The following BCHE variants were observed in gnomAD, a reference collection of about 807,000 sequenced individuals.
BCHE encodes butyrylcholinesterase, also known as cholinesterase.
In BCHE, 48 loss-of-function variants were observed where a neutral mutation model predicts 51.3. That is an observed-to-expected ratio of 0.94 (90% CI 0.74 to 1.19). BCHE has a LOEUF of 1.19. Among genes scored for constraint, BCHE ranks in the 50% most tolerant of loss-of-function variants. The pLI is 0.00. For missense variants in BCHE, 847 were observed against 708.2 expected (o/e 1.20, Z -2.23); for synonymous variants, 251 against 238.0 (o/e 1.05, Z -0.50).
In BCHE at chr3:165,830,022, C is replaced by G. The variant is rs2108234909; in HGVS notation, c.1012G>C (p.Gly338Arg). 5.0e-6 allele frequency: 8 copies of G among 1,613,640 alleles called. No individual in the cohort carries two copies. The highest frequency in any genetic ancestry group is 6.8e-6 in the Non-Finnish European group (8 of 1,179,836). Residue 338 changes from glycine (G) to arginine (R), a missense_variant, in exon 2 of 4, where the codon GGA becomes CGA. By Grantham distance (125) the Gly-to-Arg change is moderately radical. Coordinates refer to ENST00000264381, the MANE Select transcript of BCHE (RefSeq NM_000055.4). ...TDMPDILLELGQFKKTQILVG... is the reference protein window; with the variant it reads ...TDMPDILLELRQFKKTQILVG... The stretch of plus-strand genomic sequence containing the variant: ...AAAATCTGGGTTTTTTTAAATTGTC[C>G]AAGTTCAAGTAATATGTCTGGCATG...
chr3:165,821,147 T>C (rs1171644111), intron 2 of BCHE, among the ~76,000 whole-genome samples: 1 of 151,982 alleles, frequency 6.6e-6, no homozygotes, highest in Non-Finnish European at 1.5e-5. Context: ...TAAGAGTATC[T>C]TTAACTGATA....
intron 2 of BCHE, among the ~76,000 whole-genome samples, chr3:165,822,003 TAATA>T (rs1191285235): frequency 6.6e-6 from 1 of 151,950 alleles, no homozygotes; most frequent in Admixed American, 6.6e-5. Flanking sequence ...AGGGAATAAA[TAATA>T]AATAAAATAT....
chr3:165,812,665 T>C (rs756165422), intron 2 of BCHE, among the ~76,000 whole-genome samples: 10 of 151,988 alleles, frequency 6.6e-5, no homozygotes, highest in Admixed American at 6.6e-5. Context: ...TCCATGTTGT[T>C]TTTCATTGCC....
rs532897118 is a variant in BCHE at position 165,808,167 on chromosome 3, A to G, written c.1517+21350T>C. Among the ~76,000 whole-genome samples the G allele has an allele frequency of 7.2e-5, 11 of 152,048 alleles. No individual in the cohort carries two copies. The South Asian group carries it at 2.3e-3, about 32-fold the overall frequency. ...CCTGGCTAATTTTTGGTATTTTTTT[A>G]GTAGAGACGAGGTTTCACCGTGTTA... On this transcript the variant is annotated intron_variant, in intron 2 of 3. Coordinates refer to ENST00000264381, the MANE Select transcript of BCHE (RefSeq NM_000055.4).
intron 2 of BCHE, among the ~76,000 whole-genome samples, chr3:165,808,578 GT>G (rs1713961250): frequency 6.6e-6 from 1 of 152,006 alleles, no homozygotes; most frequent in Non-Finnish European, 1.5e-5. Context: ...TACCAATTTG[GT>G]TTTTTATAAA....
intron 2 of BCHE, among the ~76,000 whole-genome samples, chr3:165,810,728 A>T (rs1383509239): frequency 1.3e-5 from 2 of 152,128 alleles, no homozygotes; most frequent in African/African-American, 4.8e-5. Context: ...AAGTTTTTCA[A>T]CATTGGCTTC....
chr3:165,825,428 G>A (rs963001657), intron 2 of BCHE, among the ~76,000 whole-genome samples: 4 of 151,942 alleles, frequency 2.6e-5, no homozygotes, highest in Admixed American at 2.0e-4. Context: ...TGTTGGTGTA[G>A]GGAAATATTT....
At chr3:165,777,008 C>T (rs895289113) in intron 3 of BCHE, among the ~76,000 whole-genome samples, 1 of 151,170 alleles carries the variant, frequency 6.6e-6, no homozygotes, top group Non-Finnish European at 1.5e-5. Flanking sequence ...AAATATATAG[C>T]AGAAATGTAA....
At position 165,830,852 on chromosome 3, in the gene BCHE, T is replaced by C. The variant is rs116097205; in HGVS notation, c.182A>G (p.Tyr61Cys). ...GTVTAFLGIP[Y>C]AQPPLGRLRF... ...AAGTCTACCAAGAGGTGGCTGTGCATAGGGAATTCCAAGAAAGGCTGTTAC... is the reference window on the plus strand; with the variant it reads ...AAGTCTACCAAGAGGTGGCTGTGCACAGGGAATTCCAAGAAAGGCTGTTAC... The change falls in exon 2 of 4, where the codon TAT becomes TGT. Residue 61 changes from tyrosine to cysteine, a missense_variant. Transcript: ENST00000264381. 7.4e-6 allele frequency: 12 copies of C among 1,613,840 alleles called. No homozygotes were observed. In the South Asian group the frequency reaches 7.7e-5, roughly 10 times the overall value.
At chr3:165,833,519 T>C (rs571810628) in intron 1 of BCHE, among the ~76,000 whole-genome samples, 1 of 152,304 alleles carries the variant, frequency 6.6e-6, no homozygotes, top group Admixed American at 6.5e-5. Context: ...GTGAAAATAC[T>C]ATATTATAAT....
At chr3:165,786,014 A>G in intron 3 of BCHE, 131 bp downstream of exon 3, 3 of 1,014,626 alleles carry the variant, frequency 3.0e-6, no homozygotes, top group South Asian at 1.4e-5. Flanking sequence ...TAATGTGTTC[A>G]TTAAACCAAG....
chr3:165,789,937 G>C (rs1012792490), intron 2 of BCHE, among the ~76,000 whole-genome samples: 3 of 152,070 alleles, frequency 2.0e-5, no homozygotes, highest in Admixed American at 6.6e-5. Flanking sequence ...ATTTTTATTT[G>C]ATGAGAAAGA....
At chr3:165,775,225 C>A (rs557864423) in intron 3 of BCHE, among the ~76,000 whole-genome samples, 5 of 151,944 alleles carry the variant, frequency 3.3e-5, no homozygotes, top group African/African-American at 1.2e-4. Flanking sequence ...GCAGACATTA[C>A]AATATCCCTT....
intron 2 of BCHE, among the ~76,000 whole-genome samples, chr3:165,817,338 C>T (rs962415748): frequency 1.3e-5 from 2 of 151,940 alleles, no homozygotes; most frequent in South Asian, 2.1e-4. Context: ...TGTGTACCTA[C>T]CAGTCAGAGA....
chr3:165,830,611 A>G lies in BCHE; in HGVS notation c.423T>C (p.Ile141=), dbSNP rs757414059. Residue 141 remains isoleucine (I), a synonymous_variant, in exon 2 of 4, where the codon ATT becomes ATC. Transcript: ENST00000264381. ...TTCCAGTTTGAAAACCACCACCATA[A>G]ATCCATATCAATACAGTGGCATTTT... ...KPKNATVLIW[I]YGGGFQTGTS... is the part of the protein sequence containing the mutation. 1 of 1,613,912 alleles carries G rather than the reference A, an allele frequency of 6.2e-7. No individual in the cohort carries two copies. Among genetic ancestry groups the G allele is most frequent in the East Asian group, 2.2e-5 (1 of 44,856 alleles).
At chr3:165,786,559 A>G (rs1353871162) in intron 2 of BCHE, among the ~76,000 whole-genome samples, 1 of 151,814 alleles carries the variant, frequency 6.6e-6, no homozygotes, top group African/African-American at 2.4e-5. Context: ...TCTGCTTAAC[A>G]TATTGGAAGA....
At chr3:165,812,374 C>T (rs1477767455) in intron 2 of BCHE, among the ~76,000 whole-genome samples, 2 of 150,976 alleles carry the variant, frequency 1.3e-5, no homozygotes, top group Non-Finnish European at 3.0e-5. Context: ...AACATTTTTA[C>T]TCTATATATA....
intron 1 of BCHE, among the ~76,000 whole-genome samples, chr3:165,836,735 C>T (rs981059897): frequency 1.3e-5 from 2 of 152,168 alleles, no homozygotes; most frequent in Non-Finnish European, 2.9e-5. Context: ...GGGACACGCT[C>T]ATAAATCACT....
intron 2 of BCHE, among the ~76,000 whole-genome samples, chr3:165,819,312 G>T (rs185998683): frequency 1.3e-5 from 2 of 151,674 alleles, no homozygotes; most frequent in African/African-American, 2.4e-5. Flanking sequence ...TCCTGACCTC[G>T]GATGATCCTC....
Sources: gnomAD v4.1 joint callset for allele counts (sites outside exome capture counted in the v4.1 genomes callset) on GRCh38, gnomAD v4.1.1 for gene constraint, MANE v1.5 for transcripts, NCBI Gene and HGNC (gene_info 2026-07-23, HGNC 2026-07-21) for gene names.